ANKRD26: variants seen among roughly 807,000 people sequenced by gnomAD.
ANKRD26 encodes ankyrin repeat domain 26.
A neutral mutation model predicts 208.7 loss-of-function variants in ANKRD26; 141 were observed. The ratio of observed to expected loss-of-function variants is 0.68; its 90% CI spans 0.59 to 0.78. ANKRD26 has a LOEUF of 0.78. Ranked by LOEUF, ANKRD26 falls within the 30% of genes least tolerant of loss-of-function variation. The probability of loss-of-function intolerance (pLI) is 0.00; values close to 1 mark genes in which losing one functional copy is unlikely to be tolerated. For synonymous variants in ANKRD26, 636 were observed against 660.4 expected, an observed-to-expected ratio of 0.96 and a Z score of 0.57; for missense variants, 1,889 against 1,938.7, an observed-to-expected ratio of 0.97 and a Z score of 0.48.
chr10:26,951,337 C>T, the ANKRD26 span, among the ~76,000 whole-genome samples: 11,403 of 151,900 alleles, frequency 0.075, 711 homozygotes, highest in East Asian at 0.31. Flanking sequence ...GGGGTACTTA[C>T]GTTATTTAAT....
At chr10:27,098,502 A>G (rs2056538232) in intron 1 of ANKRD26, among the ~76,000 whole-genome samples, 1 of 152,204 alleles carries the variant, frequency 6.6e-6, no homozygotes, top group African/African-American at 2.4e-5. Context: ...AATCATAAAG[A>G]AAAAAGTTTG....
intron 30 of ANKRD26, among the ~76,000 whole-genome samples, chr10:27,015,620 T>C (rs1265336425): frequency 6.6e-6 from 1 of 152,168 alleles, no homozygotes; most frequent in Non-Finnish European, 1.5e-5. Flanking sequence ...GCCTTGTAGA[T>C]TGTGTTCCAA....
At chr10:26,974,689 C>T (rs910055069) in exon 6 of ANKRD26, among the ~76,000 whole-genome samples, 17 of 152,158 alleles carry the variant, frequency 1.1e-4, no homozygotes, top group African/African-American at 3.6e-4. Flanking sequence ...TTAGACATTA[C>T]TTTAGTCCCT....
At chr10:27,027,068 G>A (rs2053684846) in intron 27 of ANKRD26, among the ~76,000 whole-genome samples, 1 of 152,164 alleles carries the variant, frequency 6.6e-6, no homozygotes, top group Non-Finnish European at 1.5e-5. Context: ...ATGAGCCACT[G>A]CGCCTGACAG....
At chr10:27,016,038 C>G (rs530746975) in intron 30 of ANKRD26, among the ~76,000 whole-genome samples, 3 of 152,256 alleles carry the variant, frequency 2.0e-5, no homozygotes, top group Admixed American at 2.0e-4. Context: ...TGCTTCAGTT[C>G]AGTGGCACAA....
In ANKRD26 at chr10:27,098,519, T is replaced by C. The variant is rs181647528; in HGVS notation, c.242+1566A>G. Among the ~76,000 whole-genome samples the C allele has an allele frequency of 1.1e-4, 16 of 151,830 alleles. No homozygotes were observed. In the East Asian group the frequency reaches 1.9e-3, roughly 18 times the overall value. On this transcript the variant is annotated intron_variant, in intron 1 of 33. Transcript: ENST00000376087. ...TCATAAAGAAAAAAGTTTGACTTATTATACAAATGCCCAGAAATAACAAAT... is the reference window on the plus strand; with the variant it reads ...TCATAAAGAAAAAAGTTTGACTTATCATACAAATGCCCAGAAATAACAAAT...
At chr10:27,033,141 C>T (rs2053932979) in intron 25 of ANKRD26, 84 bp downstream of exon 25, 3 of 967,628 alleles carry the variant, frequency 3.1e-6, no homozygotes, top group Admixed American at 3.0e-5. Context: ...CAAAAGAAGG[C>T]TACCCACTAA....
rs551848373 is a variant in ANKRD26, at chr10:27,038,123, C to T, written c.2376-69G>A. On this transcript the variant is annotated intron_variant, in intron 21 of 33. Transcript: ENST00000376087. ...ATAAAAAGTTCATTGTGTGATATGC[C>T]GCTTTGTATGTTGGTTTATTACCCT... is the stretch of plus-strand genomic sequence containing the variant. The T allele has an allele frequency of 1.2e-5, 16 of 1,286,886 alleles. No homozygotes were observed. The Admixed American group carries it at 1.3e-4, about 11-fold the overall frequency. The allele number at this position is 1,286,886 out of a possible 1,614,324, so 79.7% of individuals were successfully genotyped here. A position where few individuals can be genotyped will look rare whatever the true frequency, so the allele number is the denominator to read the frequency against.
At chr10:27,000,647 A>G (rs542255618), downstream of ANKRD26, among the ~76,000 whole-genome samples, 2 of 152,360 alleles carry the variant, frequency 1.3e-5, no homozygotes, top group Non-Finnish European at 2.9e-5. Context: ...TAATAGAATC[A>G]AAAGTATCAA....
chr10:27,052,800 C>G (rs903876436), intron 16 of ANKRD26, among the ~76,000 whole-genome samples: 1 of 152,088 alleles, frequency 6.6e-6, no homozygotes, highest in African/African-American at 2.4e-5. Flanking sequence ...TTTCTGACCT[C>G]ATTCTTTCCC....
chr10:27,037,724 T>G (rs2054090430), intron 22 of ANKRD26, 147 bp downstream of exon 22: 1 of 681,556 alleles, frequency 1.5e-6, no homozygotes, highest in Non-Finnish European at 2.4e-6. Context: ...AGATTTATCA[T>G]GAATAATTTT....
intron 29 of ANKRD26, among the ~76,000 whole-genome samples, chr10:27,020,152 T>C (rs1053222132): frequency 3.3e-5 from 5 of 152,014 alleles, no homozygotes; most frequent in Non-Finnish European, 2.9e-5. Context: ...TATCATGGGA[T>C]GAATTATTTT....
chr10:26,989,696 A>G (rs1162751624), downstream of ANKRD26, among the ~76,000 whole-genome samples: 1 of 152,034 alleles, frequency 6.6e-6, no homozygotes, highest in Non-Finnish European at 1.5e-5. Context: ...CCCTTTTCCC[A>G]TCTTCCTGAT....
chr10:26,971,945 T>C (rs1335012879), downstream of ANKRD26, among the ~76,000 whole-genome samples: 1 of 151,916 alleles, frequency 6.6e-6, no homozygotes, highest in African/African-American at 2.4e-5. Context: ...TAGAAAATTA[T>C]AGTCCAGTGG....
At chr10:27,073,830 C>T (rs1407902377) in intron 9 of ANKRD26, among the ~76,000 whole-genome samples, 1 of 152,080 alleles carries the variant, frequency 6.6e-6, no homozygotes, top group East Asian at 1.9e-4. Flanking sequence ...AACAGTAAAC[C>T]TGCTCACAGA....
intron 23 of ANKRD26, among the ~76,000 whole-genome samples, chr10:27,036,952 T>C (rs1260986930): frequency 1.3e-5 from 2 of 152,152 alleles, no homozygotes; most frequent in Non-Finnish European, 2.9e-5. Context: ...GCTTCTCCTT[T>C]GGATGAGGCC....
At position 27,005,611 on chromosome 10, in the gene ANKRD26, T is replaced by C. The variant is rs1303977050; in HGVS notation, c.5112A>G (p.Leu1704=). 6.2e-7 allele frequency: 1 copy of C among 1,612,220 alleles called. No individual in the cohort carries two copies. The highest frequency in any genetic ancestry group is 1.7e-5 in the Admixed American group (1 of 59,950). ...WKASREYVQV[L]KKNYMI ...TCTTTCAGATCATATAATTTTTCTT[T>C]AAAACCTGTACATATTCTCTTGATG... The change falls in exon 34 of 34, where the codon TTA becomes TTG. Residue 1704 remains leucine, a synonymous_variant. Transcript: ENST00000376087.
In ANKRD26 at chr10:27,067,262, CA is replaced by C. The variant is rs759126289; in HGVS notation, c.1101del (p.Ile367MetfsTer16). The part of the protein sequence containing the change: ...LMKEEPTKPG[I>X]AKKENGIDII... ...ATATCAATACCATTTTCTTTTTTTG[CA>C]ATGCCTGGCTTTGTTGGTTCTTCCT... On this transcript the variant is annotated frameshift_variant, in exon 10 of 34. Coordinates refer to ENST00000376087, the MANE Select transcript of ANKRD26 (RefSeq NM_014915.3). LOFTEE classifies it high-confidence loss of function. 6.2e-7 allele frequency: 1 copy of C among 1,613,082 alleles called. No individual in the cohort carries two copies. Among genetic ancestry groups the C allele is most frequent in the African/African-American group, 1.3e-5 (1 of 74,840 alleles).
intron 10 of ANKRD26, among the ~76,000 whole-genome samples, 161 bp downstream of exon 10, chr10:27,066,996 G>A (rs2055274417): frequency 1.3e-5 from 2 of 151,970 alleles, no homozygotes; most frequent in Admixed American, 1.3e-4. Context: ...TAGTAGAGAT[G>A]GGGTTTCATC....
Sources: gnomAD v4.1 joint callset for allele counts (sites outside exome capture counted in the v4.1 genomes callset) on GRCh38, gnomAD v4.1.1 for gene constraint, MANE v1.5 for transcripts, NCBI Gene and HGNC (gene_info 2026-07-23, HGNC 2026-07-21) for gene names.